The following CCN6 variants were observed in gnomAD, a reference collection of about 807,000 sequenced individuals.
CCN6 encodes the protein cellular communication network factor 6, also known as CCN family member 6.
A neutral mutation model predicts 37.4 loss-of-function variants in CCN6; 31 were observed. That is an observed-to-expected ratio of 0.83 (90% CI 0.62 to 1.12). CCN6 has a LOEUF of 1.12. Among genes scored for constraint, CCN6 ranks in the 50% most tolerant of loss-of-function variants. The pLI, the probability that CCN6 is intolerant of heterozygous loss-of-function variation, is 0.00. For missense variants in CCN6, 369 were observed against 413.8 expected, an observed-to-expected ratio of 0.89 and a Z score of 0.94; for synonymous variants, 137 against 142.1, an observed-to-expected ratio of 0.96 and a Z score of 0.26.
chr6:112,068,249 C>A lies in CCN6; in HGVS notation c.634C>A (p.Gln212Lys). 4.3e-6 allele frequency: 7 copies of A among 1,610,274 alleles called. No individual in the cohort carries two copies. Among genetic ancestry groups the A allele is most frequent in the Non-Finnish European group, 5.9e-6 (7 of 1,178,856 alleles). Residue 212 changes from glutamine (Q) to lysine (K), a missense_variant, in exon 4 of 5, where the codon CAA becomes AAA. Gln to Lys is a moderately conservative substitution (Grantham distance 53). Transcript: ENST00000368666. Reference protein sequence around the residue: ...PLIWKKKCLVQATKWTPCSRT... With the variant: ...PLIWKKKCLVKATKWTPCSRT... Reference sequence around the variant, plus strand: ...TATTTGGAAAAAAAAATGTCTTGTGCAAGCAACAAAATGGACTCCCTGCTC... The same window carrying A: ...TATTTGGAAAAAAAAATGTCTTGTGAAAGCAACAAAATGGACTCCCTGCTC...
chr6:112,066,202 T>C (rs587722324), intron 3 of CCN6, among the ~76,000 whole-genome samples: 1 of 152,316 alleles, frequency 6.6e-6, no homozygotes, highest in Admixed American at 6.5e-5. Context: ...TTACTATACA[T>C]GTTCAGTTGA....
In CCN6 at chr6:112,062,610, C is replaced by T. The variant is rs116677900; in HGVS notation, c.346+1322C>T. Among the ~76,000 whole-genome samples, 1,034 of 152,316 alleles carry T rather than the reference C, an allele frequency of 6.8e-3. 9 individuals carry two copies. Among genetic ancestry groups the T allele is most frequent in the African/African-American group, 0.021 (884 of 41,564 alleles). On this transcript the variant is annotated intron_variant, in intron 2 of 4. Transcript: ENST00000368666. ...GAATGGGGATAATCTATAACTGGAG[C>T]CCCAAACTATGACCTGAGGGTCAAA...
In CCN6 at chr6:112,059,998, G is replaced by C. The variant is rs369120990; in HGVS notation, c.49-993G>C. The C allele has an allele frequency of 1.7e-5, 23 of 1,363,772 alleles. No homozygotes were observed. In the African/African-American group the frequency reaches 3.0e-4, roughly 18 times the overall value. The allele number at this position is 1,363,772 out of a possible 1,614,324, so 84.5% of individuals were successfully genotyped here. On this transcript the variant is annotated intron_variant, in intron 1 of 4. Coordinates refer to ENST00000368666, the MANE Select transcript of CCN6 (RefSeq NM_198239.2). Reference sequence around the variant, plus strand: ...AAATTTGAGCACAGACCTAAAGAGAGTAAAAGAGTGAGCCATGAAGATATC... The same window carrying C: ...AAATTTGAGCACAGACCTAAAGAGACTAAAAGAGTGAGCCATGAAGATATC...
rs35374349 is a variant in CCN6, at chr6:112,064,941, A to T, written c.533A>T (p.Asn178Ile). 3.4e-4 allele frequency: 556 copies of T among 1,614,058 alleles called. 3 individuals are homozygous for T. The African/African-American group carries it at 6.8e-3, about 20-fold the overall frequency. The change falls in exon 3 of 5, where the codon AAC becomes ATC. Residue 178 changes from asparagine (N) to isoleucine (I), a missense_variant. Coordinates refer to ENST00000368666, the MANE Select transcript of CCN6 (RefSeq NM_198239.2). ...AKGGKKSDQS[N>I]CSLEPLLQQL... ...GGTGGAAAGAAGTCTGATCAGTCAA[A>T]CTGTAGCCTGGAACCATTACTACAG...
chr6:112,054,616 C>T (rs781925244), intron 1 of CCN6: 8 of 582,110 alleles, frequency 1.4e-5, no homozygotes, highest in Admixed American at 2.7e-5. Context: ...ACATTTCTCC[C>T]TTTCAGGTAA....
chr6:112,058,132 T>C (rs1776402612), intron 1 of CCN6, among the ~76,000 whole-genome samples: 1 of 152,228 alleles, frequency 6.6e-6, no homozygotes, highest in South Asian at 2.1e-4. Flanking sequence ...CTTCTCCATT[T>C]TGATGTTTCC....
chr6:112,069,679 G>C lies in CCN6; in HGVS notation c.*59G>C. On this transcript the variant is annotated 3_prime_UTR_variant, in exon 5 of 5. Coordinates refer to ENST00000368666, the MANE Select transcript of CCN6 (RefSeq NM_198239.2). ...TGTCATATAATAAAAAAATTAGTGA[G>C]TATAAAATGGTGGCAAATCTACTTT... 1.3e-6 allele frequency: 2 copies of C among 1,586,896 alleles called. No individual in the cohort carries two copies. The highest frequency in any genetic ancestry group is 1.3e-5 in the African/African-American group (1 of 74,250).
rs781886270 is a variant in CCN6, at chr6:112,061,007, A to G, written c.65A>G (p.Gln22Arg). 2 of 1,614,152 alleles carry G rather than the reference A, an allele frequency of 1.2e-6. No individual in the cohort carries two copies. The highest frequency in any genetic ancestry group is 8.5e-7 in the Non-Finnish European group (1 of 1,180,020). Reference sequence around the variant, plus strand: ...CAAATGAAGTTCTGCTGCAGGGTACAGGGCACTGGACCATTAGATACAACA... The same window carrying G: ...CAAATGAAGTTCTGCTGCAGGGTACGGGGCACTGGACCATTAGATACAACA... Reference protein sequence around the residue: ...AGLAQFCCRVQGTGPLDTTPE... With the variant: ...AGLAQFCCRVRGTGPLDTTPE... The change falls in exon 2 of 5, where the codon CAG becomes CGG. Residue 22 changes from glutamine to arginine, a missense_variant. Transcript: ENST00000368666.
At chr6:112,061,445 A>T in intron 2 of CCN6, 157 bp downstream of exon 2, 1 of 885,382 alleles carries the variant, frequency 1.1e-6, no homozygotes, top group South Asian at 1.5e-5. Flanking sequence ...TGTATTGGAT[A>T]CTATGTGAAA....
At chr6:112,063,748 C>T (rs756480694) in intron 2 of CCN6, among the ~76,000 whole-genome samples, 8 of 152,112 alleles carry the variant, frequency 5.3e-5, no homozygotes, top group Non-Finnish European at 2.9e-5. Flanking sequence ...TCTGAATAAC[C>T]AGTTTATCAT....
In CCN6 at chr6:112,067,173, CTTT is replaced by C. The variant is rs1170130715; in HGVS notation, c.590-1023_590-1021del. 2.1e-5 allele frequency: 9 copies of C among 437,238 alleles called. No homozygotes were observed. In the South Asian group the frequency reaches 2.2e-4, roughly 11 times the overall value. 27.1% of individuals were successfully genotyped at this position (437,238 alleles called of 1,614,324 possible). A position where few individuals can be genotyped will look rare whatever the true frequency, so the allele number is the denominator to read the frequency against. ...AAGAGACTATTTCCTATGAAGAAGG[CTTT>C]TTTTTTTTCTGGGTGTTTTTCGAGT... On this transcript the variant is annotated intron_variant, in intron 3 of 4. Transcript: ENST00000368666.
Position 112,068,351 on chromosome 6 carries a change from CTG to C in CCN6, c.740_741del (p.Cys247LeufsTer31), listed in dbSNP as rs727503755. 5.6e-6 allele frequency: 9 copies of C among 1,613,004 alleles called. No homozygotes were observed. The highest frequency in any genetic ancestry group is 4.4e-5 in the South Asian group (4 of 90,968). On this transcript the variant is annotated frameshift_variant, in exon 4 of 5. Transcript: ENST00000368666. LOFTEE classifies it high-confidence loss of function. ...CTGTGAAATGAGAAAAGAGAAAAGA[CTG>C]TGTTACATTCAGCCTTGCGACAGCA... ...SNCEMRKEKR[L>X]CYIQPCDSNI...
chr6:112,062,901 C>T (rs112542225), intron 2 of CCN6, among the ~76,000 whole-genome samples: 3,277 of 152,036 alleles, frequency 0.022, 118 homozygotes, highest in African/African-American at 0.076. Context: ...TTAATGAGGA[C>T]CTAAAGAGGT....
Position 112,064,786 on chromosome 6 carries a change from G to A in CCN6, c.378G>A (p.Gln126=), listed in dbSNP as rs897066226. Residue 126 remains glutamine (Q), a synonymous_variant, in exon 3 of 5, where the codon CAG becomes CAA. Transcript: ENST00000368666. ...YLVAVGCEFN[Q]VHYHNGQVFQ... The stretch of plus-strand genomic sequence containing the variant: ...TAGCTGTTGGGTGCGAGTTCAACCA[G>A]GTACATTATCATAATGGCCAAGTGT... The A allele has an allele frequency of 5.0e-6, 8 of 1,614,036 alleles. No homozygotes were observed. The highest frequency in any genetic ancestry group is 6.8e-6 in the Non-Finnish European group (8 of 1,179,936).
At chr6:112,064,212 A>T (rs1431586020) in intron 2 of CCN6, among the ~76,000 whole-genome samples, 3 of 152,174 alleles carry the variant, frequency 2.0e-5, no homozygotes, top group Non-Finnish European at 2.9e-5. Context: ...CAGATCCCCT[A>T]AAAGTGTCTC....
intron 3 of CCN6, among the ~76,000 whole-genome samples, chr6:112,066,367 G>A (rs2114463202): frequency 6.6e-6 from 1 of 152,136 alleles, no homozygotes; most frequent in African/African-American, 2.4e-5. Context: ...TCCCTGGGAA[G>A]ACTACCTTAG....
intron 3 of CCN6, among the ~76,000 whole-genome samples, chr6:112,067,445 C>T (rs1191333978): frequency 1.3e-5 from 2 of 152,072 alleles, no homozygotes; most frequent in African/African-American, 4.8e-5. Flanking sequence ...TCTCTCTTCC[C>T]CTCCTATTTC....
At chr6:112,065,208 C>G (rs1204697794) in intron 3 of CCN6, among the ~76,000 whole-genome samples, 1 of 152,130 alleles carries the variant, frequency 6.6e-6, no homozygotes, top group African/African-American at 2.4e-5. Context: ...TCTGGTAAAA[C>G]ATTTAAAAAC....
intron 4 of CCN6, 54 bp downstream of exon 4, chr6:112,068,452 A>G: frequency 2.7e-6 from 4 of 1,497,960 alleles, no homozygotes; most frequent in Non-Finnish European, 3.6e-6. Flanking sequence ...CCTGAAAAGT[A>G]AGCATGTGTG....
Sources: allele counts gnomAD v4.1 joint callset (sites outside exome capture counted in the v4.1 genomes callset), GRCh38; gene constraint gnomAD v4.1.1; transcripts MANE v1.5; gene names NCBI Gene and HGNC (gene_info 2026-07-23, HGNC 2026-07-21).